Variants in MAGI2 observed in about 807,000 individuals in gnomAD.
The protein encoded by MAGI2 is membrane-associated guanylate kinase, WW and PDZ domain-containing protein 2.
Under a neutral mutation model 133.3 loss-of-function variants are expected in MAGI2, and 35 were observed. The observed-to-expected ratio is 0.26, with a 90% CI of 0.20 to 0.35. The LOEUF (loss-of-function observed/expected upper bound fraction) is 0.35, where lower values mean the gene tolerates loss of function less well. Ranked by LOEUF, MAGI2 falls within the 10% of genes least tolerant of loss-of-function variation. MAGI2 has a pLI of 1.00. For synonymous variants in MAGI2, 729 were observed against 710.6 expected (o/e 1.03, Z -0.41); for missense variants, 1,636 against 1,863.4 (o/e 0.88, Z 2.25).
At chr7:78,120,142 C>G (rs528668604) in intron 20 of MAGI2, among the ~76,000 whole-genome samples, 1 of 152,186 alleles carries the variant, frequency 6.6e-6, no homozygotes, top group African/African-American at 2.4e-5. Context: ...GTGGCTCATG[C>G]CTGTAATCCC....
In MAGI2 at chr7:78,523,709, T is replaced by A. The variant is rs1253572056; in HGVS notation, c.539-2064A>T. Among the ~76,000 whole-genome samples the A allele has an allele frequency of 4.6e-5, 7 of 152,130 alleles. 1 individual carries two copies. In the South Asian group the frequency reaches 1.5e-3, roughly 32 times the overall value. On this transcript the variant is annotated intron_variant, in intron 3 of 21. Transcript: ENST00000354212. ...ATACTTATAAAACTATCAGATCTTG[T>A]GAGAACTCACCACTATCACCAGAAC...
chr7:78,256,684 T>A (rs1251655502), intron 9 of MAGI2, 103 bp from the exon 10 acceptor site: 2 of 954,210 alleles, frequency 2.1e-6, no homozygotes, highest in Non-Finnish European at 3.2e-6. Context: ...TGTTTCTTAG[T>A]AAGCAGTGAG....
At chr7:79,012,280 C>A (rs373315185) in intron 1 of MAGI2, 13 of 152,104 alleles carry the variant, frequency 8.5e-5, no homozygotes, top group African/African-American at 3.1e-4. Flanking sequence ...GATAAGAATG[C>A]CTTCCCTTTG....
intron 2 of MAGI2, among the ~76,000 whole-genome samples, chr7:78,797,033 TTAGA>T (rs1356682376): frequency 5.3e-5 from 8 of 152,014 alleles, no homozygotes; most frequent in Admixed American, 2.0e-4. Flanking sequence ...AAAAATACAG[TTAGA>T]TAGAAGGAAT....
chr7:78,703,894 A>G (rs553377478), intron 2 of MAGI2, among the ~76,000 whole-genome samples: 4 of 143,670 alleles, frequency 2.8e-5, no homozygotes, highest in Non-Finnish European at 4.5e-5. Flanking sequence ...AAAATTAGTT[A>G]ATTAAAGAAT....
At chr7:78,742,309 T>A (rs1378680596) in intron 2 of MAGI2, among the ~76,000 whole-genome samples, 2 of 152,090 alleles carry the variant, frequency 1.3e-5, no homozygotes, top group Non-Finnish European at 2.9e-5. Flanking sequence ...CAAGTGAGAT[T>A]CACAGAATTC....
At chr7:78,057,214 C>T (rs1362886699) in intron 21 of MAGI2, among the ~76,000 whole-genome samples, 1 of 151,990 alleles carries the variant, frequency 6.6e-6, no homozygotes, top group African/African-American at 2.4e-5. Context: ...TTCTTCACAT[C>T]CTTGCCAACA....
chr7:78,748,697 A>G (rs1823163639), intron 2 of MAGI2, among the ~76,000 whole-genome samples: 1 of 152,030 alleles, frequency 6.6e-6, no homozygotes, highest in Non-Finnish European at 1.5e-5. Flanking sequence ...CTCTGATGTA[A>G]AAAAGATATC....
At position 78,216,880 on chromosome 7, in the gene MAGI2, G is replaced by A. The variant is rs545041498; in HGVS notation, c.2048-15687C>T. Among the ~76,000 whole-genome samples, 8 of 152,280 alleles carry A rather than the reference G, an allele frequency of 5.3e-5. No homozygotes were observed. In the East Asian group the frequency reaches 1.5e-3, roughly 29 times the overall value. On this transcript the variant is annotated intron_variant, in intron 10 of 21. Transcript: ENST00000354212. ...GCTAGAAGTCTGAGATCAAGGTGTT[G>A]GTAGGGTTGGTTCCTGCTAAGGGTT...
intron 1 of MAGI2, among the ~76,000 whole-genome samples, chr7:79,237,247 G>A (rs548144592): frequency 3.9e-5 from 6 of 152,152 alleles, no homozygotes; most frequent in African/African-American, 1.4e-4. Flanking sequence ...TGTAATCCCA[G>A]CACTTTGGGA....
intron 2 of MAGI2, among the ~76,000 whole-genome samples, chr7:78,841,276 T>C (rs1168039899): frequency 6.6e-6 from 1 of 152,056 alleles, no homozygotes; most frequent in Admixed American, 6.6e-5. Flanking sequence ...GTTAAATTAA[T>C]CCTTATCACA....
chr7:78,619,005 TAAAAAAAAAAAAAA>T (rs58783152), intron 3 of MAGI2: 2 of 50,376 alleles, frequency 4.0e-5, no homozygotes, highest in Admixed American at 2.9e-4. Flanking sequence ...CCAAAATCGC[TAAAAAAAAAAAAAA>T]AAAAAAAAAA....
chr7:79,309,043 G>T (rs936033012), intron 1 of MAGI2, among the ~76,000 whole-genome samples: 2 of 151,898 alleles, frequency 1.3e-5, no homozygotes, highest in South Asian at 2.1e-4. Flanking sequence ...TATCCTCTTT[G>T]TTCTCTCTTC....
At chr7:78,583,084 G>C (rs527343214) in intron 3 of MAGI2, among the ~76,000 whole-genome samples, 4 of 152,270 alleles carry the variant, frequency 2.6e-5, no homozygotes, top group Admixed American at 6.5e-5. Context: ...GGAAGTGTGA[G>C]TATAGAAAAA....
intron 1 of MAGI2, among the ~76,000 whole-genome samples, chr7:79,028,565 CTTA>C (rs953433595): frequency 2.6e-5 from 4 of 151,786 alleles, no homozygotes; most frequent in Admixed American, 1.3e-4. Flanking sequence ...ACGTTACTAT[CTTA>C]TTATGAGAAT....
At chr7:78,489,636 T>C (rs1793406350) in intron 6 of MAGI2, 125 bp downstream of exon 6, 1 of 766,996 alleles carries the variant, frequency 1.3e-6, no homozygotes, top group Non-Finnish European at 2.2e-6. Flanking sequence ...TATCTGAGCA[T>C]TAAACATTAC....
At chr7:78,209,689 TA>T (rs1240525960) in intron 10 of MAGI2, among the ~76,000 whole-genome samples, 4 of 152,212 alleles carry the variant, frequency 2.6e-5, no homozygotes, top group African/African-American at 7.2e-5. Context: ...ATTCACGCCC[TA>T]TTTTCTCTTG....
intron 2 of MAGI2, among the ~76,000 whole-genome samples, chr7:78,729,620 G>C (rs556319398): frequency 6.6e-6 from 1 of 152,166 alleles, no homozygotes; most frequent in East Asian, 1.9e-4. Flanking sequence ...AACCACAATG[G>C]CCCTCATCCA....
At chr7:79,351,096 T>A (rs1841658519) in intron 1 of MAGI2, among the ~76,000 whole-genome samples, 1 of 152,152 alleles carries the variant, frequency 6.6e-6, no homozygotes, top group African/African-American at 2.4e-5. Flanking sequence ...CCAGGAAAAG[T>A]TGTATAAAGC....
Sources: allele counts gnomAD v4.1 joint callset (sites outside exome capture counted in the v4.1 genomes callset), GRCh38; gene constraint gnomAD v4.1.1; transcripts MANE v1.5; gene names NCBI Gene and HGNC (gene_info 2026-07-23, HGNC 2026-07-21).